Variants in SLC36A4 observed in about 807,000 individuals in gnomAD.
SLC36A4 encodes the protein solute carrier family 36 member 4, also known as neutral amino acid uniporter 4.
A neutral mutation model predicts 50.5 loss-of-function variants in SLC36A4; 49 were observed. That is an observed-to-expected ratio of 0.97 (90% CI 0.77 to 1.23). The LOEUF (loss-of-function observed/expected upper bound fraction) is 1.23. Ranked by LOEUF, SLC36A4 falls within the 50% of genes most tolerant of loss-of-function variation. The pLI is 0.00. For missense variants in SLC36A4, 611 were observed against 608.4 expected, an observed-to-expected ratio of 1.00 and a Z score of -0.05; for synonymous variants, 207 against 206.5, an observed-to-expected ratio of 1.00 and a Z score of -0.02.
intron 10 of SLC36A4, among the ~76,000 whole-genome samples, chr11:93,153,406 A>G (rs1446543703): frequency 6.6e-6 from 1 of 152,100 alleles, no homozygotes; most frequent in Non-Finnish European, 1.5e-5. Flanking sequence ...AAAATGCCAT[A>G]AGGAAGTTTT....
intron 7 of SLC36A4, chr11:93,167,489 T>C (rs930054089): frequency 1.3e-5 from 2 of 152,642 alleles, no homozygotes; most frequent in African/African-American, 4.8e-5. Context: ...TTATTGCATA[T>C]ACTTCAGGTA....
chr11:93,182,786 C>A lies in SLC36A4; in HGVS notation c.359+20G>T. The A allele has an allele frequency of 6.4e-7, 1 of 1,553,910 alleles. No individual in the cohort carries two copies. Reference sequence around the variant, plus strand: ...AAAAGATAGCTTTAAAATAAATAGGCTTAACAAATCCACATTTACCTCAGA... The same window carrying A: ...AAAAGATAGCTTTAAAATAAATAGGATTAACAAATCCACATTTACCTCAGA... On this transcript the variant is annotated intron_variant, in intron 4 of 10. Transcript: ENST00000326402.
At chr11:93,162,977 AT>A (rs1167294557) in intron 8 of SLC36A4, 102 bp from the exon 9 acceptor site, 12 of 996,792 alleles carry the variant, frequency 1.2e-5, no homozygotes, top group Non-Finnish European at 1.6e-5. Context: ...CTATATGCAA[AT>A]TTTTTTCCTT....
At position 93,168,142 on chromosome 11, in the gene SLC36A4, C is replaced by G. The variant is rs777258856; in HGVS notation, c.570G>C (p.Val190=). 4.3e-6 allele frequency: 7 copies of G among 1,611,112 alleles called. No homozygotes were observed. Among genetic ancestry groups the G allele is most frequent in the Non-Finnish European group, 3.4e-6 (4 of 1,178,502 alleles). The part of the protein sequence containing the change: ...QVHEGFLESK[V]FISNSTNSSN... ...ATGAATTGGTACTATTTGAAATAAA[C>G]ACTTTACTCTCCAGGAATCCTTCAT... The change falls in exon 7 of 11, where the codon GTG becomes GTC. Residue 190 remains valine, a synonymous_variant. Transcript: ENST00000326402.
chr11:93,182,607 T>G (rs974214070), intron 4 of SLC36A4, among the ~76,000 whole-genome samples, 199 bp downstream of exon 4: 1 of 152,124 alleles, frequency 6.6e-6, no homozygotes, highest in African/African-American at 2.4e-5. Context: ...ATTTCACTAA[T>G]AAGGCTACCT....
chr11:93,148,643 A>AAGC lies in SLC36A4; in HGVS notation c.1408_1409insGCT (p.Ile470delinsSerLeu). ...AGGATAAATAATTTCTTCAACAGTT[A>AAGC]TATATGTACCTAATAAGAAGCCAAC... On this transcript the variant is annotated protein_altering_variant, in exon 11 of 11. Coordinates refer to ENST00000326402, the MANE Select transcript of SLC36A4 (RefSeq NM_152313.4). 1 of 1,612,780 alleles carries AAGC rather than the reference A, an allele frequency of 6.2e-7. No individual in the cohort carries two copies. Among genetic ancestry groups the AAGC allele is most frequent in the Non-Finnish European group, 8.5e-7 (1 of 1,179,188 alleles).
At chr11:93,166,214 T>C (rs540368517) in intron 7 of SLC36A4, 198 bp from the exon 8 acceptor site, 3 of 1,330,068 alleles carry the variant, frequency 2.3e-6, no homozygotes, top group Non-Finnish European at 2.9e-6. Flanking sequence ...CCAAAAGCAA[T>C]TGTTTCCCTC....
At chr11:93,159,908 T>C (rs1321846297) in intron 9 of SLC36A4, 1 of 985,304 alleles carries the variant, frequency 1.0e-6, no homozygotes, top group Non-Finnish European at 1.2e-6. Flanking sequence ...TTTACAGCTT[T>C]TCATAGCTAG....
intron 6 of SLC36A4, chr11:93,170,065 T>TATAAAA (rs1861059341): frequency 6.6e-6 from 1 of 152,014 alleles, no homozygotes; most frequent in Non-Finnish European, 1.5e-5. Flanking sequence ...GTTATAAAAA[T>TATAAAA]TCTGAGGATT....
At chr11:93,155,924 G>A (rs1243673129) in intron 9 of SLC36A4, among the ~76,000 whole-genome samples, 6 of 152,120 alleles carry the variant, frequency 3.9e-5, no homozygotes, top group African/African-American at 1.4e-4. Context: ...TTTTATGGCT[G>A]CATAGTATTC....
intron 9 of SLC36A4, among the ~76,000 whole-genome samples, chr11:93,157,865 T>C (rs1384322690): frequency 1.3e-5 from 2 of 152,204 alleles, no homozygotes; most frequent in Non-Finnish European, 2.9e-5. Context: ...CCTTTGTTTC[T>C]TTCTCTTGCC....
At chr11:93,190,769 G>T (rs1862185471) in intron 1 of SLC36A4, among the ~76,000 whole-genome samples, 1 of 152,104 alleles carries the variant, frequency 6.6e-6, no homozygotes, top group Non-Finnish European at 1.5e-5. Context: ...GTCTCACTCT[G>T]TCACCCAGGC....
intron 6 of SLC36A4, among the ~76,000 whole-genome samples, chr11:93,177,577 G>T (rs889425815): frequency 2.6e-5 from 4 of 152,162 alleles, no homozygotes; most frequent in African/African-American, 9.7e-5. Flanking sequence ...CTGTTCGTTA[G>T]TTTTTCTTCT....
At chr11:93,188,419 T>A (rs1193848742) in intron 1 of SLC36A4, among the ~76,000 whole-genome samples, 2 of 152,236 alleles carry the variant, frequency 1.3e-5, no homozygotes, top group African/African-American at 4.8e-5. Flanking sequence ...CTAATATGTG[T>A]AGAGTAAAAT....
At chr11:93,196,615 C>T (rs1862441111) in intron 1 of SLC36A4, among the ~76,000 whole-genome samples, 1 of 152,164 alleles carries the variant, frequency 6.6e-6, no homozygotes, top group Admixed American at 6.5e-5. Flanking sequence ...ATGATCCGGC[C>T]GCCTCAGCCT....
intron 1 of SLC36A4, among the ~76,000 whole-genome samples, chr11:93,192,065 G>A (rs958736944): frequency 6.6e-6 from 1 of 152,140 alleles, no homozygotes; most frequent in African/African-American, 2.4e-5. Flanking sequence ...CTGCCTTCAT[G>A]GAGCTCAAAT....
chr11:93,178,007 G>T (rs1861566094), intron 6 of SLC36A4, among the ~76,000 whole-genome samples: 1 of 152,154 alleles, frequency 6.6e-6, no homozygotes, highest in Admixed American at 6.5e-5. Flanking sequence ...TCCTTGAGCT[G>T]CGGTGGGCTC....
chr11:93,174,142 C>A (rs1590961450), intron 6 of SLC36A4, among the ~76,000 whole-genome samples: 2 of 149,886 alleles, frequency 1.3e-5, no homozygotes, highest in Admixed American at 1.3e-4. Flanking sequence ...GTTTGTAGTT[C>A]TCCTTGAAGA....
chr11:93,188,908 C>G (rs1167161189), intron 1 of SLC36A4, among the ~76,000 whole-genome samples: 1 of 152,110 alleles, frequency 6.6e-6, no homozygotes, highest in Non-Finnish European at 1.5e-5. Flanking sequence ...AGGGAAAGCT[C>G]TGTTCCAGGC....
Sources: gnomAD v4.1 joint callset for allele counts (sites outside exome capture counted in the v4.1 genomes callset) on GRCh38, gnomAD v4.1.1 for gene constraint, MANE v1.5 for transcripts, NCBI Gene and HGNC (gene_info 2026-07-23, HGNC 2026-07-21) for gene names.